Variants in ASTN2 observed in about 807,000 individuals in gnomAD.
ASTN2 encodes astrotactin 2.
ASTN2 carries 54 observed loss-of-function variants against 139.8 expected under a neutral mutation model. The ratio of observed to expected loss-of-function variants is 0.39; its 90% CI spans 0.31 to 0.48. The LOEUF is 0.48. ASTN2 is among the 20% of genes least tolerant of loss of function. ASTN2 has a pLI of 0.95. For missense variants in ASTN2, 1,565 were observed against 1,725.1 expected, an observed-to-expected ratio of 0.91 and a Z score of 1.64; for synonymous variants, 756 against 719.5, an observed-to-expected ratio of 1.05 and a Z score of -0.81.
intron 22 of ASTN2, among the ~76,000 whole-genome samples, chr9:116,428,453 G>C (rs1564269911): frequency 6.6e-6 from 1 of 152,026 alleles, no homozygotes; most frequent in Admixed American, 6.5e-5. Context: ...GAAACCGTAA[G>C]GCGGAGGTTA....
At chr9:117,186,553 AT>A (rs1388371352) in intron 3 of ASTN2, among the ~76,000 whole-genome samples, 2 of 152,050 alleles carry the variant, frequency 1.3e-5, no homozygotes, top group South Asian at 2.1e-4. Context: ...TCTCAAAAAA[AT>A]AAATAAATAA....
chr9:117,135,429 G>A (rs551969616), intron 4 of ASTN2, among the ~76,000 whole-genome samples: 9 of 152,258 alleles, frequency 5.9e-5, no homozygotes, highest in Admixed American at 1.3e-4. Flanking sequence ...CCCATTAACC[G>A]TTTGCATACT....
intron 4 of ASTN2, among the ~76,000 whole-genome samples, chr9:117,127,927 G>A (rs1189307290): frequency 6.6e-6 from 1 of 151,870 alleles, no homozygotes; most frequent in Non-Finnish European, 1.5e-5. Context: ...TGATCCACCC[G>A]CCTCGGCCTC....
chr9:117,222,279 G>C (rs970868772), intron 2 of ASTN2, among the ~76,000 whole-genome samples: 2 of 152,124 alleles, frequency 1.3e-5, no homozygotes, highest in African/African-American at 4.8e-5. Context: ...GTATGCTTTT[G>C]AAATGCCCTT....
intron 2 of ASTN2, among the ~76,000 whole-genome samples, chr9:117,285,374 T>C (rs550123857): frequency 1.3e-5 from 2 of 151,638 alleles, no homozygotes; most frequent in South Asian, 4.2e-4. Context: ...CATGATTGAA[T>C]GATTAAATCA....
chr9:117,032,588 C>G (rs1007976660), intron 6 of ASTN2, among the ~76,000 whole-genome samples: 1 of 152,156 alleles, frequency 6.6e-6, no homozygotes, highest in African/African-American at 2.4e-5. Context: ...TGAAAATACT[C>G]CTTCCATGTA....
chr9:116,807,300 A>T (rs1162635510), intron 12 of ASTN2, among the ~76,000 whole-genome samples: 1 of 152,226 alleles, frequency 6.6e-6, no homozygotes, highest in Non-Finnish European at 1.5e-5. Flanking sequence ...GATGCTACAG[A>T]TATAGAGCTG....
intron 10 of ASTN2, among the ~76,000 whole-genome samples, chr9:116,901,697 T>C (rs1588396365): frequency 6.6e-6 from 1 of 152,222 alleles, no homozygotes; most frequent in South Asian, 2.1e-4. Context: ...TAGTATACTA[T>C]TGATTGTTAT....
At chr9:116,475,834 G>A (rs1436946938) in intron 20 of ASTN2, among the ~76,000 whole-genome samples, 3 of 152,090 alleles carry the variant, frequency 2.0e-5, no homozygotes, top group Admixed American at 2.0e-4. Context: ...GGATGATGAG[G>A]TCCTCGCCTG....
At chr9:117,408,894 A>T (rs187452921) in intron 1 of ASTN2, among the ~76,000 whole-genome samples, 111 of 152,256 alleles carry the variant, frequency 7.3e-4, no homozygotes, top group African/African-American at 2.5e-3. Flanking sequence ...CGGCTTTGAG[A>T]TGGAAAGAAG....
chr9:116,476,148 C>T (rs753190845), intron 20 of ASTN2, among the ~76,000 whole-genome samples: 5 of 152,180 alleles, frequency 3.3e-5, no homozygotes, highest in Non-Finnish European at 5.9e-5. Context: ...CTCTCAGCTT[C>T]GGATGGCCCG....
At chr9:116,810,645 A>G (rs559512826) in intron 12 of ASTN2, among the ~76,000 whole-genome samples, 2 of 152,330 alleles carry the variant, frequency 1.3e-5, no homozygotes, top group East Asian at 3.9e-4. Flanking sequence ...ACATTCTAAC[A>G]TGTCTACTAA....
At chr9:116,682,883 G>A (rs567703227) in intron 16 of ASTN2, among the ~76,000 whole-genome samples, 2 of 152,054 alleles carry the variant, frequency 1.3e-5, no homozygotes, top group Non-Finnish European at 2.9e-5. Flanking sequence ...TTGTGGGGTG[G>A]AGGGAGAGGG....
chr9:116,684,328 T>C (rs1428557855), intron 16 of ASTN2, among the ~76,000 whole-genome samples: 1 of 152,230 alleles, frequency 6.6e-6, no homozygotes, highest in Non-Finnish European at 1.5e-5. Context: ...AGTTCTATCA[T>C]GATTTGTTTT....
At chr9:116,714,601 C>T (rs1272504736) in intron 16 of ASTN2, among the ~76,000 whole-genome samples, 1 of 152,124 alleles carries the variant, frequency 6.6e-6, no homozygotes, top group Non-Finnish European at 1.5e-5. Flanking sequence ...AATTGAGTCC[C>T]AGGAACCTAA....
rs372179738 is a variant in ASTN2, at chr9:116,922,093, C to T, written c.1889+53115G>A. Among the ~76,000 whole-genome samples, 93 of 152,272 alleles carry T rather than the reference C, an allele frequency of 6.1e-4. No homozygotes were observed. In the South Asian group the frequency reaches 8.1e-3, roughly 13 times the overall value. On this transcript the variant is annotated intron_variant, in intron 10 of 22. Coordinates refer to ENST00000313400, the MANE Select transcript of ASTN2 (RefSeq NM_001365068.1). ...CCTCTGCCCTAGAACCTCTTCCTTC[C>T]GGAAGTCTTTTCTTACTACTTCCTT...
intron 13 of ASTN2, 34 bp downstream of exon 13, chr9:116,805,598 T>C: frequency 6.3e-7 from 1 of 1,594,506 alleles, no homozygotes; most frequent in African/African-American, 1.3e-5. Flanking sequence ...TGTCAGTGAC[T>C]CAGACAAGCA....
intron 3 of ASTN2, among the ~76,000 whole-genome samples, chr9:117,212,729 G>C (rs576212204): frequency 2.4e-3 from 368 of 152,180 alleles, no homozygotes; most frequent in Non-Finnish European, 3.6e-3. Flanking sequence ...ATCAAAAACT[G>C]CAATGAGGTA....
At chr9:116,966,213 G>T (rs1192741674) in intron 10 of ASTN2, among the ~76,000 whole-genome samples, 2 of 152,140 alleles carry the variant, frequency 1.3e-5, no homozygotes, top group Non-Finnish European at 2.9e-5. Flanking sequence ...CACTGTATCT[G>T]CAAAGCTTTC....
Sources: gnomAD v4.1 joint callset for allele counts (sites outside exome capture counted in the v4.1 genomes callset) on GRCh38, gnomAD v4.1.1 for gene constraint, MANE v1.5 for transcripts, NCBI Gene and HGNC (gene_info 2026-07-23, HGNC 2026-07-21) for gene names.